TMTC2: variants seen among roughly 807,000 people sequenced by gnomAD.
The protein encoded by TMTC2 is protein O-mannosyl-transferase TMTC2.
TMTC2 carries 43 observed loss-of-function variants against 82.4 expected under a neutral mutation model. The observed-to-expected ratio is 0.52, with a 90% CI of 0.41 to 0.67. TMTC2 has a LOEUF of 0.67. Among genes scored for constraint, TMTC2 ranks in the 30% least tolerant of loss-of-function variants. The probability of loss-of-function intolerance (pLI) is 0.00; values close to 1 mark genes in which losing one functional copy is unlikely to be tolerated. For missense variants in TMTC2, 919 were observed against 1,012.4 expected, an observed-to-expected ratio of 0.91 and a Z score of 1.25; for synonymous variants, 408 against 381.9, an observed-to-expected ratio of 1.07 and a Z score of -0.80.
At chr12:83,104,774 G>T (rs538976921) in intron 11 of TMTC2, among the ~76,000 whole-genome samples, 1 of 152,314 alleles carries the variant, frequency 6.6e-6, no homozygotes, top group African/African-American at 2.4e-5. Context: ...CCTCTAGCAA[G>T]TGGTTGCTCC....
intron 1 of TMTC2, among the ~76,000 whole-genome samples, chr12:82,708,980 C>T (rs1873500937): frequency 6.6e-6 from 1 of 152,072 alleles, no homozygotes; most frequent in South Asian, 2.1e-4. Context: ...GACTCTGCAT[C>T]ATTGCTTGGT....
At chr12:83,052,804 G>A (rs1882402953) in intron 10 of TMTC2, among the ~76,000 whole-genome samples, 1 of 152,022 alleles carries the variant, frequency 6.6e-6, no homozygotes, top group Non-Finnish European at 1.5e-5. Flanking sequence ...GAAAGTTTTT[G>A]TTATATACTG....
At chr12:82,807,192 A>G (rs968935516) in intron 1 of TMTC2, among the ~76,000 whole-genome samples, 1 of 152,160 alleles carries the variant, frequency 6.6e-6, no homozygotes, top group Non-Finnish European at 1.5e-5. Flanking sequence ...TCATTGTCAA[A>G]TGATTTTTCA....
At chr12:82,730,760 C>T (rs1167730617) in intron 1 of TMTC2, among the ~76,000 whole-genome samples, 1 of 152,194 alleles carries the variant, frequency 6.6e-6, no homozygotes, top group African/African-American at 2.4e-5. Context: ...ACATCAATAA[C>T]CTTACCTTAT....
intron 11 of TMTC2, among the ~76,000 whole-genome samples, chr12:83,065,346 T>C (rs772102629): frequency 5.5e-4 from 83 of 151,908 alleles, no homozygotes; most frequent in Non-Finnish European, 9.9e-4. Flanking sequence ...AGAATTCCAG[T>C]GATCAAATAC....
chr12:83,042,288 T>C (rs953573075), intron 9 of TMTC2, among the ~76,000 whole-genome samples: 1 of 152,074 alleles, frequency 6.6e-6, no homozygotes, highest in African/African-American at 2.4e-5. Flanking sequence ...ACTCAGAAAA[T>C]GTGTTTGAGT....
intron 11 of TMTC2, among the ~76,000 whole-genome samples, chr12:83,109,462 C>G (rs1480371019): frequency 1.3e-5 from 2 of 151,744 alleles, no homozygotes. Flanking sequence ...CCAGTCACTC[C>G]CCAATTCTTG....
At chr12:83,074,402 G>C (rs1384616465) in intron 11 of TMTC2, among the ~76,000 whole-genome samples, 1 of 152,104 alleles carries the variant, frequency 6.6e-6, no homozygotes, top group African/African-American at 2.4e-5. Flanking sequence ...AGGGTTCTTA[G>C]CTTTGGTGGT....
intron 7 of TMTC2, among the ~76,000 whole-genome samples, chr12:82,980,408 C>T (rs1216850491): frequency 6.6e-6 from 1 of 151,678 alleles, no homozygotes; most frequent in East Asian, 1.9e-4. Context: ...GGAATGAATA[C>T]CTTAGCAACC....
chr12:83,006,705 A>G (rs530046880), intron 8 of TMTC2, among the ~76,000 whole-genome samples: 66 of 152,310 alleles, frequency 4.3e-4, no homozygotes, highest in African/African-American at 1.5e-3. Flanking sequence ...AACCAACCCA[A>G]ATGTCCATCA....
intron 1 of TMTC2, among the ~76,000 whole-genome samples, chr12:82,815,117 G>C (rs1868616155): frequency 6.6e-6 from 1 of 151,076 alleles, no homozygotes; most frequent in South Asian, 2.1e-4. Context: ...AGGACTTTGT[G>C]TACAGTTTTC....
intron 8 of TMTC2, among the ~76,000 whole-genome samples, chr12:83,018,452 CA>C (rs1880774097): frequency 2.0e-5 from 3 of 152,170 alleles, no homozygotes. Flanking sequence ...CTGGTGATAA[CA>C]AATGAGAAAC....
intron 1 of TMTC2, among the ~76,000 whole-genome samples, chr12:82,852,959 A>T (rs2083073306): frequency 6.6e-6 from 1 of 152,218 alleles, no homozygotes; most frequent in Non-Finnish European, 1.5e-5. Flanking sequence ...GATAACACAC[A>T]TTGGAGAATT....
At chr12:82,904,687 G>T (rs1394106363) in intron 3 of TMTC2, among the ~76,000 whole-genome samples, 1 of 152,098 alleles carries the variant, frequency 6.6e-6, no homozygotes, top group African/African-American at 2.4e-5. Context: ...TGTTTCCCCC[G>T]TTCGCCTTTA....
intron 1 of TMTC2, among the ~76,000 whole-genome samples, chr12:82,742,860 A>G (rs1665339785): frequency 6.6e-6 from 1 of 152,086 alleles, no homozygotes; most frequent in Non-Finnish European, 1.5e-5. Context: ...GATCGAGTCC[A>G]TTTTTATTAA....
intron 4 of TMTC2, among the ~76,000 whole-genome samples, chr12:82,949,902 T>C (rs1336588874): frequency 1.3e-5 from 2 of 152,174 alleles, no homozygotes; most frequent in African/African-American, 4.8e-5. Flanking sequence ...GTGATGCATT[T>C]CTTGGTAAAA....
chr12:82,961,192 C>CTATTATTAT (rs139490507), intron 4 of TMTC2, among the ~76,000 whole-genome samples: 16 of 146,250 alleles, frequency 1.1e-4, no homozygotes, highest in African/African-American at 3.7e-4. Context: ...TTCTCTGCCA[C>CTATTATTAT]TATTATTATT....
chr12:83,079,432 A>G (rs1369737007), intron 11 of TMTC2, among the ~76,000 whole-genome samples: 2 of 152,166 alleles, frequency 1.3e-5, no homozygotes, highest in Non-Finnish European at 2.9e-5. Context: ...TTCCACTATA[A>G]TTCCAGGAAC....
intron 10 of TMTC2, among the ~76,000 whole-genome samples, chr12:83,052,235 T>C (rs1203676358): frequency 1.3e-5 from 2 of 151,680 alleles, no homozygotes; most frequent in Non-Finnish European, 2.9e-5. Context: ...AGAAGGACTA[T>C]TTTTTTTAGC....
Sources: allele counts gnomAD v4.1 joint callset (sites outside exome capture counted in the v4.1 genomes callset), GRCh38; gene constraint gnomAD v4.1.1; transcripts MANE v1.5; gene names NCBI Gene and HGNC (gene_info 2026-07-23, HGNC 2026-07-21).